Variants in ARL15 observed in about 807,000 individuals in gnomAD.
ARL15 encodes the protein ADP-ribosylation factor-like protein 15.
Under a neutral mutation model 25.2 loss-of-function variants are expected in ARL15, and 19 were observed. That is an observed-to-expected ratio of 0.75 (90% CI 0.53 to 1.10). The LOEUF (loss-of-function observed/expected upper bound fraction) is 1.10. Ranked by LOEUF, ARL15 falls within the 50% of genes least tolerant of loss-of-function variation. ARL15 has a pLI of 0.00. For missense variants in ARL15, 220 were observed against 246.0 expected (o/e 0.89, Z 0.71); for synonymous variants, 94 against 86.8 (o/e 1.08, Z -0.46).
chr5:54,057,110 G>T (rs1223700733), intron 4 of ARL15, among the ~76,000 whole-genome samples: 1 of 151,956 alleles, frequency 6.6e-6, no homozygotes, highest in African/African-American at 2.4e-5. Flanking sequence ...ATTAAATTTT[G>T]GGAAAAGTGA....
chr5:53,961,495 C>CAAA (rs10589852), intron 4 of ARL15, among the ~76,000 whole-genome samples: 96 of 68,760 alleles, frequency 1.4e-3, no homozygotes, highest in Admixed American at 3.4e-3. Context: ...GACTCTGTCT[C>CAAA]AAAAAAAAAA....
At chr5:54,139,140 C>A (rs748183061) in intron 3 of ARL15, among the ~76,000 whole-genome samples, 1 of 152,124 alleles carries the variant, frequency 6.6e-6, no homozygotes, top group African/African-American at 2.4e-5. Context: ...ATCTACCATT[C>A]GATCCAGCAG....
rs72756257 is a variant in ARL15 at position 54,274,475 on chromosome 5, G to A, written c.48+35957C>T. Among the ~76,000 whole-genome samples the A allele has an allele frequency of 9.7e-3, 1,484 of 152,256 alleles. 9 individuals carry two copies. Among genetic ancestry groups the A allele is most frequent in the Middle Eastern group, 0.02 (6 of 294 alleles). The stretch of plus-strand genomic sequence containing the variant: ...ATTTTACTGTAAAAATAGAAATTAG[G>A]AGGGACATTTGTGGCTCTCAATAGG... On this transcript the variant is annotated intron_variant, in intron 1 of 4. Transcript: ENST00000504924.
chr5:54,075,657 T>C lies in ARL15; in HGVS notation c.462+37545A>G, dbSNP rs1025993171. The C allele has an allele frequency of 5.3e-5, 8 of 152,040 alleles. No homozygotes were observed. In the East Asian group the frequency reaches 1.5e-3, roughly 29 times the overall value. The allele number at this position is 152,040 out of a possible 1,614,324, so 9.4% of individuals were successfully genotyped here. The stretch of plus-strand genomic sequence containing the variant: ...GTGCACCACCACACCTGGCTAATTT[T>C]TGTATTTTTAGTAGAGATGGGGTTT... On this transcript the variant is annotated intron_variant, in intron 4 of 4. Coordinates refer to ENST00000504924, the MANE Select transcript of ARL15 (RefSeq NM_019087.3).
At chr5:54,246,253 C>G (rs1455024182) in intron 1 of ARL15, among the ~76,000 whole-genome samples, 1 of 151,976 alleles carries the variant, frequency 6.6e-6, no homozygotes, top group Non-Finnish European at 1.5e-5. Flanking sequence ...ACAAACTCCT[C>G]TATGCGCCCT....
chr5:54,167,017 T>A (rs1486629642), intron 2 of ARL15, among the ~76,000 whole-genome samples: 1 of 152,110 alleles, frequency 6.6e-6, no homozygotes, highest in Non-Finnish European at 1.5e-5. Flanking sequence ...GTCATGTGAG[T>A]CCAGAGTGGT....
intron 4 of ARL15, among the ~76,000 whole-genome samples, chr5:53,961,150 TTTAGA>T (rs1447175306): frequency 2.0e-5 from 3 of 152,110 alleles, no homozygotes; most frequent in Admixed American, 6.6e-5. Flanking sequence ...TAAATCGCTG[TTTAGA>T]TTAGGAAAAA....
At chr5:54,156,860 G>C (rs922839311) in intron 2 of ARL15, among the ~76,000 whole-genome samples, 16 of 152,188 alleles carry the variant, frequency 1.1e-4, no homozygotes, top group African/African-American at 3.9e-4. Flanking sequence ...ATGTACCTGA[G>C]CCTGCAGGAA....
At chr5:54,075,332 C>T (rs985539896) in intron 4 of ARL15, among the ~76,000 whole-genome samples, 7 of 152,078 alleles carry the variant, frequency 4.6e-5, no homozygotes, top group Non-Finnish European at 1.0e-4. Context: ...GAAGCTTCTT[C>T]ATATTGAATT....
chr5:54,000,153 TAGTTTTTTTA>T (rs1334091911), intron 4 of ARL15, among the ~76,000 whole-genome samples: 1 of 152,144 alleles, frequency 6.6e-6, no homozygotes, highest in Non-Finnish European at 1.5e-5. Context: ...TCTTTTCCTC[TAGTTTTTTTA>T]AGTTTGGAGG....
chr5:54,252,527 C>G (rs2112602261), intron 1 of ARL15, among the ~76,000 whole-genome samples: 1 of 152,238 alleles, frequency 6.6e-6, no homozygotes, highest in South Asian at 2.1e-4. Flanking sequence ...CAAGATTTCT[C>G]TCACCAGTTT....
chr5:53,898,743 TCAGGTAGCCTGGAACCTTCCAACC>T (rs1744958110), intron 4 of ARL15, among the ~76,000 whole-genome samples: 1 of 151,632 alleles, frequency 6.6e-6, no homozygotes, highest in Admixed American at 6.6e-5. Context: ...CCTTCCAGGC[TCAGGTAGCCTGGAACCTTCCAACC>T]TCAGCCTCCT....
intron 4 of ARL15, among the ~76,000 whole-genome samples, chr5:54,045,602 A>T (rs2111964772): frequency 6.6e-6 from 1 of 152,032 alleles, no homozygotes; most frequent in South Asian, 2.1e-4. Context: ...AGAAGGAAAA[A>T]AAAAAAGCCA....
chr5:54,133,807 A>G (rs1753512629), intron 3 of ARL15, among the ~76,000 whole-genome samples: 1 of 152,210 alleles, frequency 6.6e-6, no homozygotes, highest in Admixed American at 6.5e-5. Context: ...TGGTCATCCA[A>G]AACAGGAAGA....
intron 4 of ARL15, among the ~76,000 whole-genome samples, chr5:54,041,713 A>G (rs1307351397): frequency 1.3e-5 from 2 of 152,230 alleles, no homozygotes; most frequent in African/African-American, 4.8e-5. Context: ...TTAGCGTTAG[A>G]TGGCATCTTT....
At chr5:53,995,776 A>G (rs1431926569) in intron 4 of ARL15, among the ~76,000 whole-genome samples, 1 of 152,184 alleles carries the variant, frequency 6.6e-6, no homozygotes, top group Non-Finnish European at 1.5e-5. Context: ...ACAAAATGCT[A>G]GCAGTGACCC....
At chr5:54,104,333 A>T (rs1752529254) in intron 4 of ARL15, among the ~76,000 whole-genome samples, 1 of 152,314 alleles carries the variant, frequency 6.6e-6, no homozygotes, top group South Asian at 2.1e-4. Context: ...TTCTTCAGAC[A>T]TGTCACTAAT....
intron 1 of ARL15, among the ~76,000 whole-genome samples, chr5:54,230,539 T>C (rs1394233233): frequency 6.6e-6 from 1 of 151,910 alleles, no homozygotes; most frequent in African/African-American, 2.4e-5. Flanking sequence ...AAAATATATA[T>C]ATATCTTTCC....
chr5:54,280,493 T>C (rs1758026938), intron 1 of ARL15, among the ~76,000 whole-genome samples: 1 of 152,214 alleles, frequency 6.6e-6, no homozygotes, highest in South Asian at 2.1e-4. Context: ...CACTATAACT[T>C]AATATAATTG....
Sources: allele counts gnomAD v4.1 joint callset (sites outside exome capture counted in the v4.1 genomes callset), GRCh38; gene constraint gnomAD v4.1.1; transcripts MANE v1.5; gene names NCBI Gene and HGNC (gene_info 2026-07-23, HGNC 2026-07-21).